The following SMYD3 variants were observed in gnomAD, a reference collection of about 807,000 sequenced individuals.
SMYD3 encodes SET and MYND domain containing 3, also known as histone-lysine N-methyltransferase SMYD3.
Under a neutral mutation model 57.7 loss-of-function variants are expected in SMYD3, and 36 were observed. The ratio of observed to expected loss-of-function variants is 0.62; its 90% CI spans 0.48 to 0.82. The LOEUF (loss-of-function observed/expected upper bound fraction) is 0.82. Ranked by LOEUF, SMYD3 falls within the 40% of genes least tolerant of loss-of-function variation. The pLI, the probability that SMYD3 is intolerant of heterozygous loss-of-function variation, is 0.00. For missense variants in SMYD3, 515 were observed against 538.8 expected (o/e 0.96, Z 0.44); for synonymous variants, 211 against 195.0 (o/e 1.08, Z -0.68).
chr1:246,397,966 GAACAACAAC>G (rs138419781), intron 1 of SMYD3, among the ~76,000 whole-genome samples: 4,288 of 150,038 alleles, frequency 0.029, 100 homozygotes, highest in Non-Finnish European at 0.043. Flanking sequence ...AGGGGAGAAA[GAACAACAAC>G]AACAACAACA....
At chr1:245,964,900 A>G (rs1351471928) in intron 5 of SMYD3, among the ~76,000 whole-genome samples, 1 of 152,170 alleles carries the variant, frequency 6.6e-6, no homozygotes, top group East Asian at 1.9e-4. Flanking sequence ...AAGGAACAGA[A>G]GAAATAATAT....
chr1:245,821,504 A>C (rs2049158312), intron 10 of SMYD3, among the ~76,000 whole-genome samples: 1 of 145,516 alleles, frequency 6.9e-6, no homozygotes, highest in African/African-American at 2.5e-5. Flanking sequence ...TTCATGTCTA[A>C]AACACCAAAA....
chr1:246,221,222 G>A (rs1278975354), intron 5 of SMYD3, among the ~76,000 whole-genome samples: 1 of 152,180 alleles, frequency 6.6e-6, no homozygotes, highest in African/African-American at 2.4e-5. Context: ...CTGCTAAGGA[G>A]CTGAACGCTC....
chr1:245,900,282 C>T (rs1471524637), intron 8 of SMYD3, among the ~76,000 whole-genome samples: 7 of 152,164 alleles, frequency 4.6e-5, no homozygotes, highest in African/African-American at 1.7e-4. Context: ...AGTTCCTAGC[C>T]TCTTCTATAG....
chr1:246,229,766 T>C (rs1247277401), intron 5 of SMYD3, among the ~76,000 whole-genome samples: 2 of 152,202 alleles, frequency 1.3e-5, no homozygotes, highest in Non-Finnish European at 2.9e-5. Flanking sequence ...GCCTCATCAC[T>C]TCTTAAAGTT....
chr1:245,871,072 T>A (rs974566876), intron 8 of SMYD3, among the ~76,000 whole-genome samples: 2 of 152,156 alleles, frequency 1.3e-5, no homozygotes, highest in African/African-American at 4.8e-5. Context: ...AAATAAAAAA[T>A]TAATGAACAC....
At chr1:246,339,789 G>A (rs2065602963) in intron 2 of SMYD3, among the ~76,000 whole-genome samples, 1 of 152,226 alleles carries the variant, frequency 6.6e-6, no homozygotes, top group Non-Finnish European at 1.5e-5. Flanking sequence ...TATTGCAACA[G>A]TGGGTTTGCT....
At chr1:245,825,256 C>T (rs1051290125) in intron 10 of SMYD3, among the ~76,000 whole-genome samples, 1 of 152,176 alleles carries the variant, frequency 6.6e-6, no homozygotes, top group Non-Finnish European at 1.5e-5. Flanking sequence ...CATCTCCCTA[C>T]GTTCTCTTAG....
Position 246,036,029 on chromosome 1 carries a change from C to T in SMYD3, c.532-106092G>A, listed in dbSNP as rs557601283. On this transcript the variant is annotated intron_variant, in intron 5 of 11. Coordinates refer to ENST00000490107, the MANE Select transcript of SMYD3 (RefSeq NM_001167740.2). Reference sequence around the variant, plus strand: ...CAGAACCAGTTGAAAGTGCAAATGACGGAGCATTTAAAAAATATACAGTGT... The same window carrying T: ...CAGAACCAGTTGAAAGTGCAAATGATGGAGCATTTAAAAAATATACAGTGT... Among the ~76,000 whole-genome samples the T allele has an allele frequency of 2.4e-4, 36 of 152,226 alleles. 1 individual carries two copies. In the South Asian group the frequency reaches 5.4e-3, roughly 23 times the overall value.
At chr1:246,217,332 C>T (rs956346020) in intron 5 of SMYD3, among the ~76,000 whole-genome samples, 5 of 152,006 alleles carry the variant, frequency 3.3e-5, no homozygotes, top group Admixed American at 2.6e-4. Context: ...GCCAGGGTAA[C>T]GTAGGGAGAC....
At chr1:246,245,756 T>A (rs1482919764) in intron 5 of SMYD3, among the ~76,000 whole-genome samples, 1 of 152,216 alleles carries the variant, frequency 6.6e-6, no homozygotes, top group Non-Finnish European at 1.5e-5. Flanking sequence ...TAAATTGATA[T>A]TCATTCTACA....
At chr1:245,970,609 GA>G (rs934989615) in intron 5 of SMYD3, among the ~76,000 whole-genome samples, 1 of 151,086 alleles carries the variant, frequency 6.6e-6, no homozygotes, top group Non-Finnish European at 1.5e-5. Flanking sequence ...AAATTTACAA[GA>G]AAAAAAACAA....
intron 5 of SMYD3, among the ~76,000 whole-genome samples, chr1:246,163,463 C>G (rs2062155291): frequency 6.6e-6 from 1 of 152,182 alleles, no homozygotes; most frequent in Admixed American, 6.5e-5. Context: ...TAATCTTCAC[C>G]TACCTGCATT....
intron 8 of SMYD3, among the ~76,000 whole-genome samples, chr1:245,896,428 C>CAAAAAAAAAAAAAAAA (rs1363037109): frequency 7.1e-6 from 1 of 141,402 alleles, no homozygotes; most frequent in African/African-American, 2.7e-5. Context: ...CTCCCTGGAC[C>CAAAAAAAAAAAAAAAA]AAAAATAGAA....
At chr1:246,013,862 G>A (rs2148202192) in intron 5 of SMYD3, among the ~76,000 whole-genome samples, 1 of 152,290 alleles carries the variant, frequency 6.6e-6, no homozygotes, top group East Asian at 1.9e-4. Flanking sequence ...TTTCTGAGAT[G>A]AGAGGGTTGG....
intron 5 of SMYD3, among the ~76,000 whole-genome samples, chr1:246,048,995 C>T (rs989630575): frequency 5.9e-5 from 9 of 152,016 alleles, no homozygotes; most frequent in Non-Finnish European, 1.0e-4. Context: ...CTGTGGCATA[C>T]GACGAGAGGA....
chr1:246,366,930 C>CAAAAAAAAAAAAAAAAAAAAAAAAAA, intron 1 of SMYD3, among the ~76,000 whole-genome samples: 1 of 58,618 alleles, frequency 1.7e-5, no homozygotes, highest in Non-Finnish European at 3.6e-5. Flanking sequence ...GACTCCATCT[C>CAAAAAAAAAAAAAAAAAAAAAAAAAA]AAAAAAAAAA....
rs1306751784 is a variant in SMYD3, at chr1:246,203,468, A to C, written c.531+123733T>G. Among the ~76,000 whole-genome samples the C allele has an allele frequency of 6.6e-6, 1 of 152,182 alleles. No individual in the cohort carries two copies. The highest frequency in any genetic ancestry group is 1.5e-5 in the Non-Finnish European group (1 of 68,038). Reference sequence around the variant, plus strand: ...TGATTCTCACAGTTCTGGAGTCTGGAAGTTCAAGATGAAAGTATCTATAGG... The same window carrying C: ...TGATTCTCACAGTTCTGGAGTCTGGCAGTTCAAGATGAAAGTATCTATAGG... On this transcript the variant is annotated intron_variant, in intron 5 of 11. Coordinates refer to ENST00000490107, the MANE Select transcript of SMYD3 (RefSeq NM_001167740.2). The surrounding 1 kb of genome is among the most constrained non-coding windows in gnomAD (Gnocchi z 4.6).
At chr1:245,868,830 G>A (rs2052021520) in intron 8 of SMYD3, among the ~76,000 whole-genome samples, 1 of 152,080 alleles carries the variant, frequency 6.6e-6, no homozygotes, top group Admixed American at 6.5e-5. Flanking sequence ...TGTCTACACT[G>A]GGTCTGTCAC....
Sources: allele counts gnomAD v4.1 joint callset (sites outside exome capture counted in the v4.1 genomes callset), GRCh38; gene constraint gnomAD v4.1.1; non-coding constraint Gnocchi (gnomAD v3.1); transcripts MANE v1.5; gene names NCBI Gene and HGNC (gene_info 2026-07-23, HGNC 2026-07-21).